Variants in ITGA9 observed in about 807,000 individuals in gnomAD.
ITGA9 encodes the protein integrin subunit alpha 9.
A neutral mutation model predicts 127.8 loss-of-function variants in ITGA9; 56 were observed. The ratio of observed to expected loss-of-function variants is 0.44; its 90% CI spans 0.35 to 0.55. ITGA9 has a LOEUF of 0.55. Among genes scored for constraint, ITGA9 ranks in the 20% least tolerant of loss-of-function variants. ITGA9 has a pLI of 0.00. For missense variants in ITGA9, 1,196 were observed against 1,347.1 expected (o/e 0.89, Z 1.76); for synonymous variants, 508 against 514.5 (o/e 0.99, Z 0.17).
At chr3:37,605,673 T>TA (rs1477313938) in intron 15 of ITGA9, among the ~76,000 whole-genome samples, 2 of 152,312 alleles carry the variant, frequency 1.3e-5, no homozygotes, top group East Asian at 3.9e-4. Flanking sequence ...ATCTGAGCTA[T>TA]AATATGATTC....
chr3:37,775,846 A>C (rs1696900941), intron 23 of ITGA9, among the ~76,000 whole-genome samples: 1 of 152,200 alleles, frequency 6.6e-6, no homozygotes, highest in Non-Finnish European at 1.5e-5. Flanking sequence ...TACCCAAATG[A>C]ATATAAATCA....
At chr3:37,748,053 C>T in intron 22 of ITGA9, 2 of 373,282 alleles carry the variant, frequency 5.4e-6, no homozygotes, top group South Asian at 4.4e-5. Flanking sequence ...TTTCAATCAC[C>T]CCCAAAAGAA....
intron 18 of ITGA9, among the ~76,000 whole-genome samples, chr3:37,697,343 ATTATTATTATAC>A (rs1700896285): frequency 7.9e-6 from 1 of 126,678 alleles, no homozygotes; most frequent in South Asian, 3.0e-4. Context: ...TATTATTATT[ATTATTATTATAC>A]TTTAAGTTCT....
At chr3:37,488,069 T>C (rs1205520987) in intron 4 of ITGA9, among the ~76,000 whole-genome samples, 1 of 152,228 alleles carries the variant, frequency 6.6e-6, no homozygotes, top group Non-Finnish European at 1.5e-5. Flanking sequence ...CAGCAGTTTG[T>C]CTGTCCATGC....
rs772465553 is a variant in ITGA9, at chr3:37,629,195, G to A, written c.1698G>A (p.Val566=). Residue 566 remains valine, a synonymous_variant, in exon 16 of 28, where the codon GTG becomes GTA. Transcript: ENST00000264741. This position sits in a 1 kb window ranked among gnomAD's most constrained non-coding sequence, Gnocchi z 4.5. ...RHYVAHVKRR[V]QDVISPIVFE... ...TTTGTTTATTGTTTCAGCGGAGGGT[G>A]CAGGACGTCATCAGCCCGATCGTGT... 9 of 1,612,622 alleles carry A rather than the reference G, an allele frequency of 5.6e-6. No individual in the cohort carries two copies. Among genetic ancestry groups the A allele is most frequent in the Non-Finnish European group, 7.6e-6 (9 of 1,179,894 alleles).
chr3:37,544,850 A>G (rs1164060196), intron 15 of ITGA9, among the ~76,000 whole-genome samples: 2 of 152,240 alleles, frequency 1.3e-5, no homozygotes, highest in African/African-American at 2.4e-5. Context: ...ATTGTTGCCA[A>G]GGTACACTCA....
chr3:37,737,059 C>A, intron 20 of ITGA9, 76 bp downstream of exon 20: 1 of 962,938 alleles, frequency 1.0e-6, no homozygotes, highest in Non-Finnish European at 1.7e-6. Context: ...CCTGGTTAAG[C>A]TTTGATGAAT....
At chr3:37,512,169 CT>C (rs1377954963) in intron 8 of ITGA9, among the ~76,000 whole-genome samples, 8 of 17,586 alleles carry the variant, frequency 4.5e-4, no homozygotes, top group South Asian at 2.9e-3. Flanking sequence ...CTTTTCTTTT[CT>C]TTTCTTTTCT....
chr3:37,770,792 C>T lies in ITGA9; in HGVS notation c.2542-6600C>T, dbSNP rs371241997. Among the ~76,000 whole-genome samples the T allele has an allele frequency of 8.5e-5, 13 of 152,192 alleles. No individual in the cohort carries two copies. In the East Asian group the frequency reaches 1.3e-3, roughly 16 times the overall value. ...GTGGTGGCTTCTGACCATGACAGCTCCTTTCACTGAGGCTGACCCAGACTC... is the reference window on the plus strand; with the variant it reads ...GTGGTGGCTTCTGACCATGACAGCTTCTTTCACTGAGGCTGACCCAGACTC... On this transcript the variant is annotated intron_variant, in intron 23 of 27. Transcript: ENST00000264741.
chr3:37,647,579 A>G (rs1700390430), intron 16 of ITGA9, among the ~76,000 whole-genome samples: 1 of 151,658 alleles, frequency 6.6e-6, no homozygotes, highest in Admixed American at 6.6e-5. Context: ...TTTTCATGCT[A>G]CCTAACCAAA....
chr3:37,743,945 T>A lies in ITGA9; in HGVS notation c.2344T>A (p.Phe782Ile). The change falls in exon 22 of 28, where the codon TTT becomes ATT. Residue 782 changes from phenylalanine to isoleucine, a missense_variant. By Grantham distance (21) the Phe-to-Ile change is conservative. Coordinates refer to ENST00000264741, the MANE Select transcript of ITGA9 (RefSeq NM_002207.3). Reference protein sequence around the residue: ...SITGIMSPTSFVYGESVDAAN... With the variant: ...SITGIMSPTSIVYGESVDAAN... ...TTTCAGAATCATGTCTCCAACCTCC[T>A]TTGTATATGGCGAGTCCGTGGACGC... 1 of 1,613,698 alleles carries A rather than the reference T, an allele frequency of 6.2e-7. No homozygotes were observed. The highest frequency in any genetic ancestry group is 8.5e-7 in the Non-Finnish European group (1 of 1,179,534).
In ITGA9 at chr3:37,741,796, C is replaced by G. The variant is rs767236247; in HGVS notation, c.2301C>G (p.His767Gln). 1.9e-6 allele frequency: 3 copies of G among 1,613,636 alleles called. No homozygotes were observed. Among genetic ancestry groups the G allele is most frequent in the South Asian group, 2.2e-5 (2 of 90,884 alleles). Reference protein sequence around the residue: ...NTLVLMVPLMHEVDTSITGIM... With the variant: ...NTLVLMVPLMQEVDTSITGIM... ...TCGTGCTGATGGTGCCACTGATGCACGAGGTGGACACGTCCATCACCGGGT... is the reference window on the plus strand; with the variant it reads ...TCGTGCTGATGGTGCCACTGATGCAGGAGGTGGACACGTCCATCACCGGGT... Residue 767 changes from histidine to glutamine, a missense_variant, in exon 21 of 28, where the codon CAC becomes CAG. Transcript: ENST00000264741.
At chr3:37,533,620 C>T (rs1699180576) in intron 14 of ITGA9, 152 bp downstream of exon 14, 1 of 702,052 alleles carries the variant, frequency 1.4e-6, no homozygotes, top group Admixed American at 2.1e-5. Flanking sequence ...AGGTTCCTCC[C>T]CTTCTATTTC....
intron 9 of ITGA9, among the ~76,000 whole-genome samples, chr3:37,514,582 T>A (rs1488841860): frequency 6.6e-6 from 1 of 152,124 alleles, no homozygotes; most frequent in Non-Finnish European, 1.5e-5. Context: ...TTCGTTTGTT[T>A]GTTTTGAGGC....
rs558195119 is a variant in ITGA9 at position 37,597,313 on chromosome 3, G to A, written c.1690-31874G>A. ...GAAAGGGCCAACCTCAGTATCTAAGGGTTAAGGGTGTGCAAGAGAGTGCAA... is the reference window on the plus strand; with the variant it reads ...GAAAGGGCCAACCTCAGTATCTAAGAGTTAAGGGTGTGCAAGAGAGTGCAA... On this transcript the variant is annotated intron_variant, in intron 15 of 27. Transcript: ENST00000264741. The surrounding 1 kb of genome is among the most constrained non-coding windows in gnomAD (Gnocchi z 4.6). 1.6e-4 allele frequency among the ~76,000 whole-genome samples: 24 copies of A among 152,284 alleles called. No homozygotes were observed. The highest frequency in any genetic ancestry group is 3.2e-4 in the Non-Finnish European group (22 of 68,026).
At chr3:37,628,138 C>G (rs1700193944) in intron 15 of ITGA9, among the ~76,000 whole-genome samples, 1 of 152,172 alleles carries the variant, frequency 6.6e-6, no homozygotes, top group Non-Finnish European at 1.5e-5. Flanking sequence ...GCCCGCCCAG[C>G]TTCTCTTCTC....
At chr3:37,601,340 C>A (rs1699920643) in intron 15 of ITGA9, among the ~76,000 whole-genome samples, 1 of 152,162 alleles carries the variant, frequency 6.6e-6, no homozygotes, top group South Asian at 2.1e-4. Context: ...AACAGCAAGT[C>A]TCTGGAAAAG....
chr3:37,512,464 C>T (rs1293602766), intron 8 of ITGA9, among the ~76,000 whole-genome samples: 6 of 151,702 alleles, frequency 4.0e-5, no homozygotes, highest in East Asian at 1.9e-4. Context: ...GTGATCCACC[C>T]GCCTCCCAAA....
At chr3:37,692,074 G>A (rs1351179311) in intron 18 of ITGA9, among the ~76,000 whole-genome samples, 4 of 152,102 alleles carry the variant, frequency 2.6e-5, no homozygotes, top group African/African-American at 9.7e-5. Flanking sequence ...TTGGCTCAAG[G>A]GTCTTCTCTC....
Sources: allele counts gnomAD v4.1 joint callset (sites outside exome capture counted in the v4.1 genomes callset), GRCh38; gene constraint gnomAD v4.1.1; non-coding constraint Gnocchi (gnomAD v3.1); transcripts MANE v1.5; gene names NCBI Gene and HGNC (gene_info 2026-07-23, HGNC 2026-07-21).